Variants in SLC35F1 observed in about 807,000 individuals in gnomAD.
SLC35F1 encodes chromosome 6 open reading frame 169.
In SLC35F1, 14 loss-of-function variants were observed where a neutral mutation model predicts 48.7. That is an observed-to-expected ratio of 0.29 (90% confidence interval 0.19 to 0.45). The LOEUF (loss-of-function observed/expected upper bound fraction) is 0.45. Ranked by LOEUF, SLC35F1 falls within the 20% of genes least tolerant of loss-of-function variation. The pLI is 1.00. For missense variants in SLC35F1, 404 were observed against 500.0 expected (o/e 0.81, Z 1.83); for synonymous variants, 190 against 202.2 (o/e 0.94, Z 0.51).
intron 1 of SLC35F1, among the ~76,000 whole-genome samples, chr6:118,055,089 G>A (rs1772445390): frequency 6.6e-6 from 1 of 152,032 alleles, no homozygotes; most frequent in African/African-American, 2.4e-5. Context: ...ATTCTTTTCA[G>A]TCAGTTGATG....
At chr6:118,135,940 C>T (rs1378822491) in intron 1 of SLC35F1, among the ~76,000 whole-genome samples, 1 of 152,156 alleles carries the variant, frequency 6.6e-6, no homozygotes, top group Non-Finnish European at 1.5e-5. Context: ...GCCAGAGGTC[C>T]TATAAAAGAC....
chr6:118,258,776 A>G (rs1457752717), intron 3 of SLC35F1, among the ~76,000 whole-genome samples: 2 of 152,030 alleles, frequency 1.3e-5, no homozygotes, highest in Non-Finnish European at 1.5e-5. Context: ...TTGCAGAGCA[A>G]CAAGAAAGGG....
intron 3 of SLC35F1, among the ~76,000 whole-genome samples, chr6:118,238,129 C>T (rs1280841091): frequency 6.6e-6 from 1 of 152,088 alleles, no homozygotes; most frequent in Non-Finnish European, 1.5e-5. Context: ...ACACAATTTG[C>T]TACATTTTTA....
intron 1 of SLC35F1, among the ~76,000 whole-genome samples, chr6:118,054,333 A>G (rs1189265524): frequency 2.6e-5 from 4 of 152,332 alleles, no homozygotes; most frequent in Non-Finnish European, 5.9e-5. Flanking sequence ...ATTCTCTGCT[A>G]TAAATGTCTG....
chr6:118,185,879 C>T (rs1433398260), intron 2 of SLC35F1, among the ~76,000 whole-genome samples: 3 of 152,160 alleles, frequency 2.0e-5, no homozygotes, highest in Non-Finnish European at 4.4e-5. Context: ...CATATTAGGA[C>T]TTGATGTGTA....
chr6:118,112,068 CTTTTT>C (rs953990843), intron 1 of SLC35F1, among the ~76,000 whole-genome samples: 92 of 147,032 alleles, frequency 6.3e-4, no homozygotes, highest in African/African-American at 2.3e-3. Flanking sequence ...TTCTTTCTTT[CTTTTT>C]CTTTATTTCT....
intron 6 of SLC35F1, among the ~76,000 whole-genome samples, chr6:118,281,810 C>A (rs1395899873): frequency 6.6e-6 from 1 of 152,172 alleles, no homozygotes; most frequent in Admixed American, 6.5e-5. Flanking sequence ...TCTATTTAAC[C>A]CAGTATGGAC....
At chr6:118,068,948 A>C (rs1027761966) in intron 1 of SLC35F1, among the ~76,000 whole-genome samples, 24 of 152,186 alleles carry the variant, frequency 1.6e-4, no homozygotes, top group African/African-American at 5.8e-4. Context: ...AATTAAAAGA[A>C]AAATATTTTG....
chr6:118,029,853 C>A (rs1364627745), intron 1 of SLC35F1, among the ~76,000 whole-genome samples: 2 of 152,166 alleles, frequency 1.3e-5, no homozygotes, highest in African/African-American at 4.8e-5. Flanking sequence ...AAGAGGGGAA[C>A]TATAGTATGC....
At chr6:117,975,751 A>G (rs1235092975) in intron 1 of SLC35F1, among the ~76,000 whole-genome samples, 1 of 152,128 alleles carries the variant, frequency 6.6e-6, no homozygotes, top group Admixed American at 6.5e-5. Context: ...ATAATCTCCA[A>G]TTTTATTTTG....
intron 2 of SLC35F1, among the ~76,000 whole-genome samples, chr6:118,231,257 T>C (rs550472977): frequency 6.6e-6 from 1 of 152,304 alleles, no homozygotes; most frequent in South Asian, 2.1e-4. Flanking sequence ...ATTGCCAAAC[T>C]GTAATTCTAA....
chr6:118,191,082 A>T (rs1262818090), intron 2 of SLC35F1, among the ~76,000 whole-genome samples: 3 of 152,090 alleles, frequency 2.0e-5, no homozygotes, highest in African/African-American at 7.2e-5. Context: ...AAGGACCTAA[A>T]ACACGATGCC....
chr6:117,919,576 C>T (rs1336008600), intron 1 of SLC35F1, among the ~76,000 whole-genome samples: 1 of 152,062 alleles, frequency 6.6e-6, no homozygotes, highest in Non-Finnish European at 1.5e-5. Context: ...TGGGGACTGT[C>T]GTTTTTGTCA....
At chr6:118,030,330 G>A (rs190515998) in intron 1 of SLC35F1, among the ~76,000 whole-genome samples, 11 of 152,222 alleles carry the variant, frequency 7.2e-5, no homozygotes, top group African/African-American at 2.2e-4. Context: ...GTATAGAGTC[G>A]GTTTCTGCTT....
chr6:118,233,160 T>G (rs1345311551), intron 2 of SLC35F1, among the ~76,000 whole-genome samples: 2 of 152,096 alleles, frequency 1.3e-5, no homozygotes, highest in Non-Finnish European at 2.9e-5. Flanking sequence ...AGAGACAGAG[T>G]TTCACCACGT....
intron 2 of SLC35F1, among the ~76,000 whole-genome samples, chr6:118,171,518 G>A (rs1421041455): frequency 4.6e-5 from 7 of 152,060 alleles, no homozygotes; most frequent in South Asian, 4.1e-4. Flanking sequence ...TGAGTCAACG[G>A]GCATTCTAAA....
chr6:118,094,360 G>A (rs909590459), intron 1 of SLC35F1, among the ~76,000 whole-genome samples: 1 of 152,092 alleles, frequency 6.6e-6, no homozygotes, highest in Non-Finnish European at 1.5e-5. Context: ...CCACAAAATT[G>A]CTTCCATTTT....
intron 1 of SLC35F1, among the ~76,000 whole-genome samples, chr6:118,079,940 T>A (rs947119319): frequency 2.0e-5 from 3 of 152,182 alleles, no homozygotes; most frequent in Admixed American, 2.0e-4. Flanking sequence ...TTACTTTCTA[T>A]GTTAAGGCAT....
chr6:118,145,749 T>A (rs1773962175), intron 1 of SLC35F1, among the ~76,000 whole-genome samples: 1 of 152,160 alleles, frequency 6.6e-6, no homozygotes, highest in African/African-American at 2.4e-5. Flanking sequence ...AACCATAGCA[T>A]AAAGATAACC....
Sources: allele counts gnomAD v4.1 joint callset (sites outside exome capture counted in the v4.1 genomes callset), GRCh38; gene constraint gnomAD v4.1.1; transcripts MANE v1.5; gene names NCBI Gene and HGNC (gene_info 2026-07-23, HGNC 2026-07-21).